LMBR1: variants seen among roughly 807,000 people sequenced by gnomAD.
LMBR1 encodes the protein limb development membrane protein 1, also known as limb region 1 protein homolog.
Under a neutral mutation model 73.9 loss-of-function variants are expected in LMBR1, and 52 were observed. That is an observed-to-expected ratio of 0.70 (90% confidence interval 0.56 to 0.89). The LOEUF is 0.89. Ranked by LOEUF, LMBR1 falls within the 40% of genes least tolerant of loss-of-function variation. The pLI is 0.00. For synonymous variants in LMBR1, 215 were observed against 209.4 expected, an observed-to-expected ratio of 1.03 and a Z score of -0.23; for missense variants, 539 against 579.8, an observed-to-expected ratio of 0.93 and a Z score of 0.72.
intron 1 of LMBR1, among the ~76,000 whole-genome samples, chr7:156,852,361 TA>T (rs575618787): frequency 2.0e-5 from 3 of 150,834 alleles, no homozygotes; most frequent in South Asian, 2.1e-4. Flanking sequence ...TTAGAAAAAC[TA>T]AAAAAAAATA....
chr7:156,801,219 C>T (rs1292082534), intron 4 of LMBR1, among the ~76,000 whole-genome samples: 2 of 152,162 alleles, frequency 1.3e-5, no homozygotes, highest in Non-Finnish European at 2.9e-5. Context: ...GCAAACTACA[C>T]TGTTGTCTTA....
chr7:156,765,263 A>C (rs2132961953), intron 5 of LMBR1, among the ~76,000 whole-genome samples: 1 of 152,278 alleles, frequency 6.6e-6, no homozygotes, highest in African/African-American at 2.4e-5. Flanking sequence ...ACCCAGTGGG[A>C]GGTAACTGAA....
intron 1 of LMBR1, among the ~76,000 whole-genome samples, chr7:156,873,490 G>A (rs1799658433): frequency 6.6e-6 from 1 of 152,156 alleles, no homozygotes; most frequent in Non-Finnish European, 1.5e-5. Flanking sequence ...TGCTGGCTCG[G>A]GCAGCCTGCT....
chr7:156,675,804 T>C (rs756406701), downstream of LMBR1: 18 of 1,614,008 alleles, frequency 1.1e-5, no homozygotes, highest in Middle Eastern at 1.6e-4. Flanking sequence ...TCTTCAGCAG[T>C]TGGAAGAAAA....
intron 15 of LMBR1, among the ~76,000 whole-genome samples, chr7:156,709,951 C>A (rs192193217): frequency 1.5e-3 from 184 of 126,388 alleles, no homozygotes; most frequent in African/African-American, 5.5e-3. Flanking sequence ...GTCACCCAGG[C>A]TGGAGTGCAG....
At chr7:156,815,438 T>C (rs535144240) in intron 4 of LMBR1, among the ~76,000 whole-genome samples, 1 of 152,330 alleles carries the variant, frequency 6.6e-6, no homozygotes, top group African/African-American at 2.4e-5. Context: ...AATATCAATG[T>C]AGCACAACTG....
chr7:156,820,900 G>A (rs906479905), intron 4 of LMBR1, among the ~76,000 whole-genome samples: 1 of 152,196 alleles, frequency 6.6e-6, no homozygotes, highest in African/African-American at 2.4e-5. Context: ...AGGCAGAGAC[G>A]CATGCTGTGT....
chr7:156,724,595 T>C (rs1815306781), intron 14 of LMBR1, among the ~76,000 whole-genome samples: 1 of 152,136 alleles, frequency 6.6e-6, no homozygotes. Flanking sequence ...ATGTTAATTG[T>C]AAGATTTAAA....
chr7:156,810,337 C>A (rs932748721), intron 4 of LMBR1, among the ~76,000 whole-genome samples: 1 of 152,174 alleles, frequency 6.6e-6, no homozygotes, highest in African/African-American at 2.4e-5. Flanking sequence ...CTTGGGGGAT[C>A]TGCCCCACTG....
intron 5 of LMBR1, among the ~76,000 whole-genome samples, chr7:156,782,567 C>T (rs570601149): frequency 3.3e-5 from 5 of 151,924 alleles, no homozygotes; most frequent in Non-Finnish European, 7.4e-5. Context: ...GTTTTTGAAA[C>T]AGGGTCTCAC....
At chr7:156,722,074 C>T (rs1814708317) in intron 15 of LMBR1, among the ~76,000 whole-genome samples, 1 of 151,744 alleles carries the variant, frequency 6.6e-6, no homozygotes, top group Admixed American at 6.6e-5. Flanking sequence ...ATATTCTTCA[C>T]TAAAAAAACT....
chr7:156,889,770 G>A (rs995207887), intron 1 of LMBR1, among the ~76,000 whole-genome samples: 8 of 152,170 alleles, frequency 5.3e-5, no homozygotes, highest in Non-Finnish European at 7.3e-5. Flanking sequence ...AAGAGCAGGA[G>A]GATCACTTGA....
intron 15 of LMBR1, among the ~76,000 whole-genome samples, chr7:156,701,197 C>T (rs182745034): frequency 1.3e-5 from 2 of 152,268 alleles, no homozygotes; most frequent in African/African-American, 4.8e-5. Flanking sequence ...CAGGGAAATG[C>T]AAATTAAATC....
At chr7:156,824,816 G>T (rs1054098796) in intron 4 of LMBR1, among the ~76,000 whole-genome samples, 2 of 151,406 alleles carry the variant, frequency 1.3e-5, no homozygotes, top group Non-Finnish European at 2.9e-5. Context: ...CTGCACTCTA[G>T]GCTAGGCGAC....
intron 1 of LMBR1, among the ~76,000 whole-genome samples, chr7:156,858,950 A>T (rs141224464): frequency 3.0e-4 from 46 of 152,256 alleles, no homozygotes; most frequent in African/African-American, 1.1e-3. Context: ...CTAACATCAT[A>T]CTTAATGATT....
chr7:156,892,867 C>T, intron 1 of LMBR1, 61 bp downstream of exon 1: 1 of 1,269,964 alleles, frequency 7.9e-7, no homozygotes, highest in Non-Finnish European at 1.0e-6. Context: ...GGCCCGGGGG[C>T]GGGGACGGAG....
rs1407568483 is a variant in LMBR1 at position 156,847,500 on chromosome 7, G to C, written c.67-10615C>G. Among the ~76,000 whole-genome samples the C allele has an allele frequency of 2.0e-5, 3 of 152,184 alleles. No homozygotes were observed. In the East Asian group the frequency reaches 5.8e-4, roughly 29 times the overall value. On this transcript the variant is annotated intron_variant, in intron 1 of 16. Transcript: ENST00000353442. ...ACAGACACTGTCAAGGGAATGAAAAGAGAATCACAGGCTGGGAGAAAATAT... is the reference window on the plus strand; with the variant it reads ...ACAGACACTGTCAAGGGAATGAAAACAGAATCACAGGCTGGGAGAAAATAT...
intron 4 of LMBR1, among the ~76,000 whole-genome samples, chr7:156,824,584 T>C (rs1189432392): frequency 6.6e-6 from 1 of 152,148 alleles, no homozygotes; most frequent in Non-Finnish European, 1.5e-5. Context: ...TGGCAACATG[T>C]CTAGTCCCGG....
intron 12 of LMBR1, among the ~76,000 whole-genome samples, chr7:156,726,945 C>A (rs1356892516): frequency 1.3e-5 from 2 of 151,998 alleles, no homozygotes; most frequent in African/African-American, 2.4e-5. Flanking sequence ...CCCCTGTCTT[C>A]CAATCATACT....
Sources: gnomAD v4.1 joint callset for allele counts (sites outside exome capture counted in the v4.1 genomes callset) on GRCh38, gnomAD v4.1.1 for gene constraint, MANE v1.5 for transcripts, NCBI Gene and HGNC (gene_info 2026-07-23, HGNC 2026-07-21) for gene names.